The following ABTB3 variants were observed in gnomAD, a reference collection of about 807,000 sequenced individuals.
ABTB3 encodes the protein ankyrin repeat- and BTB/POZ domain-containing protein 3.
the ABTB3 span, among the ~76,000 whole-genome samples, chr12:107,506,023 G>T: frequency 6.6e-6 from 1 of 152,122 alleles, no homozygotes; most frequent in Admixed American, 6.5e-5. Flanking sequence ...ATAATAGAGT[G>T]ATTTCTATTC....
At chr12:107,338,379 T>C in the ABTB3 span, among the ~76,000 whole-genome samples, 5 of 152,126 alleles carry the variant, frequency 3.3e-5, no homozygotes, top group Non-Finnish European at 7.3e-5. Flanking sequence ...TGTTGTAGAG[T>C]GGGTAGGCGT....
At chr12:107,417,037 T>A in the ABTB3 span, among the ~76,000 whole-genome samples, 1 of 152,224 alleles carries the variant, frequency 6.6e-6, no homozygotes, top group African/African-American at 2.4e-5. Context: ...AGGATCAAAT[T>A]TGACAACTGA....
the ABTB3 span, among the ~76,000 whole-genome samples, chr12:107,350,705 A>G: frequency 2.0e-5 from 3 of 152,264 alleles, no homozygotes; most frequent in East Asian, 5.8e-4. Context: ...AAGCATCAAA[A>G]TGCTGGAGGA....
At chr12:107,542,278 C>T in the ABTB3 span, among the ~76,000 whole-genome samples, 2 of 142,884 alleles carry the variant, frequency 1.4e-5, no homozygotes, top group Admixed American at 1.6e-4. Context: ...CACCACTGCA[C>T]TCCAGTCTAG....
chr12:107,400,262 G>A, the ABTB3 span, among the ~76,000 whole-genome samples: 4 of 152,124 alleles, frequency 2.6e-5, no homozygotes, highest in Non-Finnish European at 4.4e-5. Context: ...CTTACTCGAT[G>A]ATATGTATAT....
the ABTB3 span, among the ~76,000 whole-genome samples, chr12:107,473,007 T>C: frequency 3.3e-5 from 5 of 152,080 alleles, no homozygotes; most frequent in Non-Finnish European, 7.4e-5. Context: ...AAGGACAACA[T>C]GAAGGCCCCA....
At chr12:107,443,719 G>T in the ABTB3 span, among the ~76,000 whole-genome samples, 2 of 148,876 alleles carry the variant, frequency 1.3e-5, no homozygotes, top group Non-Finnish European at 3.0e-5. Flanking sequence ...TAAGGCCCAC[G>T]TTCATAATCT....
the ABTB3 span, among the ~76,000 whole-genome samples, chr12:107,325,405 T>G: frequency 6.6e-6 from 1 of 152,218 alleles, no homozygotes; most frequent in Non-Finnish European, 1.5e-5. Flanking sequence ...AAGAGCCAGC[T>G]GTAGCAGTAT....
the ABTB3 span, among the ~76,000 whole-genome samples, chr12:107,417,448 T>C: frequency 6.6e-6 from 1 of 152,214 alleles, no homozygotes. Flanking sequence ...CTTTGGACAG[T>C]ATCTTTGTAA....
chr12:107,391,377 G>T, the ABTB3 span, among the ~76,000 whole-genome samples: 1 of 152,186 alleles, frequency 6.6e-6, no homozygotes, highest in Admixed American at 6.5e-5. Flanking sequence ...ACCACCTCTT[G>T]TAAGGGAGGC....
At chr12:107,399,323 G>T in the ABTB3 span, among the ~76,000 whole-genome samples, 4 of 152,140 alleles carry the variant, frequency 2.6e-5, no homozygotes, top group African/African-American at 9.7e-5. Flanking sequence ...CGTGAACAAA[G>T]GATGTCAGGG....
At chr12:107,610,103 A>T in the ABTB3 span, 2 of 1,496,036 alleles carry the variant, frequency 1.3e-6, no homozygotes, top group Non-Finnish European at 1.8e-6. Flanking sequence ...AAGCAAATGC[A>T]ATGTCCCAGG....
the ABTB3 span, among the ~76,000 whole-genome samples, chr12:107,341,537 A>G: frequency 6.6e-6 from 1 of 152,178 alleles, no homozygotes; most frequent in African/African-American, 2.4e-5. Context: ...CAGACTTAAT[A>G]GTGACCCCTT....
the ABTB3 span, among the ~76,000 whole-genome samples, chr12:107,387,789 G>A: frequency 6.6e-6 from 1 of 152,048 alleles, no homozygotes; most frequent in Non-Finnish European, 1.5e-5. Context: ...TCTGGGACTT[G>A]GTAGTTTTTG....
chr12:107,339,047 A>G, the ABTB3 span, among the ~76,000 whole-genome samples: 1 of 152,192 alleles, frequency 6.6e-6, no homozygotes, highest in Non-Finnish European at 1.5e-5. Flanking sequence ...TAGGAAGTCC[A>G]TGGAATGTCC....
chr12:107,611,528 A>AT, the ABTB3 span, among the ~76,000 whole-genome samples: 2 of 152,188 alleles, frequency 1.3e-5, no homozygotes, highest in Non-Finnish European at 2.9e-5. Context: ...GGTCATTATT[A>AT]TTTATTCACT....
the ABTB3 span, among the ~76,000 whole-genome samples, chr12:107,556,873 A>G: frequency 0.38 from 57,464 of 151,592 alleles, 11,028 homozygotes; most frequent in African/African-American, 0.39. Flanking sequence ...TTAGCTGGGC[A>G]TGGTGGCATG....
At chr12:107,333,482 T>C in the ABTB3 span, among the ~76,000 whole-genome samples, 2 of 152,176 alleles carry the variant, frequency 1.3e-5, no homozygotes, top group Non-Finnish European at 2.9e-5. Context: ...TGAGGCCCAC[T>C]CTAGAACAAG....
chr12:107,606,756 T>C, the ABTB3 span, among the ~76,000 whole-genome samples: 1 of 152,284 alleles, frequency 6.6e-6, no homozygotes. Context: ...TGGATAGTGG[T>C]ATGTGAGAAG....
Sources: gnomAD v4.1 joint callset for allele counts (sites outside exome capture counted in the v4.1 genomes callset) on GRCh38, gnomAD v4.1.1 for gene constraint, MANE v1.5 for transcripts, NCBI Gene and HGNC (gene_info 2026-07-23, HGNC 2026-07-21) for gene names.